The following ANO4 variants were observed in gnomAD, a reference collection of about 807,000 sequenced individuals.
The protein encoded by ANO4 is anoctamin 4.
Under a neutral mutation model 141.9 loss-of-function variants are expected in ANO4, and 69 were observed. The observed-to-expected ratio is 0.49, with a 90% CI of 0.40 to 0.59. The LOEUF is 0.59. ANO4 is among the 20% of genes least tolerant of loss of function. The probability of loss-of-function intolerance (pLI) is 0.00; values close to 1 mark genes in which losing one functional copy is unlikely to be tolerated. For synonymous variants in ANO4, 350 were observed against 394.3 expected, an observed-to-expected ratio of 0.89 and a Z score of 1.33; for missense variants, 894 against 1,162.2, an observed-to-expected ratio of 0.77 and a Z score of 3.36.
At chr12:100,881,118 A>G (rs555233665) in intron 1 of ANO4, among the ~76,000 whole-genome samples, 68 of 146,786 alleles carry the variant, frequency 4.6e-4, no homozygotes, top group Non-Finnish European at 6.1e-4. Flanking sequence ...GGAACATCAC[A>G]CACCAGGGAC....
chr12:100,829,585 T>G (rs982539297), intron 1 of ANO4, among the ~76,000 whole-genome samples: 8 of 152,058 alleles, frequency 5.3e-5, no homozygotes, highest in Non-Finnish European at 1.0e-4. Flanking sequence ...ATTTTTAAAG[T>G]GTAAGTTAAA....
chr12:100,786,004 T>A (rs1194514893), intron 3 of ANO4, among the ~76,000 whole-genome samples: 1 of 152,228 alleles, frequency 6.6e-6, no homozygotes, highest in Non-Finnish European at 1.5e-5. Context: ...TTTAAAATGC[T>A]CATTCTGCTT....
intron 14 of ANO4, among the ~76,000 whole-genome samples, chr12:101,073,916 A>T (rs1023241149): frequency 1.3e-5 from 2 of 152,056 alleles, no homozygotes; most frequent in Non-Finnish European, 2.9e-5. Context: ...TTATTTGTGG[A>T]TAGGTAGGTA....
chr12:100,797,130 GTATA>G (rs57640251), intron 1 of ANO4, among the ~76,000 whole-genome samples: 81 of 149,212 alleles, frequency 5.4e-4, no homozygotes, highest in Non-Finnish European at 9.8e-4. Flanking sequence ...ATATGTGTGT[GTATA>G]TATATATATA....
intron 4 of ANO4, among the ~76,000 whole-genome samples, chr12:100,940,184 G>A (rs573978740): frequency 6.7e-6 from 1 of 149,058 alleles, no homozygotes; most frequent in East Asian, 2.0e-4. Flanking sequence ...AGCTATCCAA[G>A]TTTCTTTTTC....
intron 8 of ANO4, among the ~76,000 whole-genome samples, chr12:101,001,821 T>C (rs1300519355): frequency 6.6e-6 from 1 of 152,194 alleles, no homozygotes; most frequent in Non-Finnish European, 1.5e-5. Context: ...TTGTTAAACC[T>C]GTAAACTGTG....
At chr12:100,855,931 A>C (rs1327824079) in intron 1 of ANO4, among the ~76,000 whole-genome samples, 6 of 152,204 alleles carry the variant, frequency 3.9e-5, no homozygotes, top group Non-Finnish European at 8.8e-5. Context: ...AAATGGAGCA[A>C]GTGGTACAGT....
intron 1 of ANO4, among the ~76,000 whole-genome samples, chr12:100,880,843 A>G (rs972145362): frequency 1.3e-5 from 2 of 152,138 alleles, no homozygotes; most frequent in African/African-American, 2.4e-5. Flanking sequence ...ATCTTTGAAG[A>G]TATCTATGCA....
chr12:101,026,042 T>C (rs2046721955), intron 9 of ANO4, among the ~76,000 whole-genome samples: 1 of 152,200 alleles, frequency 6.6e-6, no homozygotes, highest in Non-Finnish European at 1.5e-5. Context: ...CACTTGCCAC[T>C]TGTATTCATT....
chr12:101,029,296 G>A (rs2046871028), intron 9 of ANO4, among the ~76,000 whole-genome samples: 1 of 152,028 alleles, frequency 6.6e-6, no homozygotes, highest in Non-Finnish European at 1.5e-5. Flanking sequence ...TAACCAGATA[G>A]CATCATGATG....
intron 10 of ANO4, among the ~76,000 whole-genome samples, chr12:101,039,316 G>A (rs768073478): frequency 6.6e-6 from 1 of 152,104 alleles, no homozygotes; most frequent in Non-Finnish European, 1.5e-5. Flanking sequence ...ACTAGCCTGG[G>A]CAATATGGCA....
chr12:100,999,012 C>G (rs186419141), intron 8 of ANO4, among the ~76,000 whole-genome samples: 62 of 152,324 alleles, frequency 4.1e-4, no homozygotes, highest in African/African-American at 1.4e-3. Context: ...TATCCAATGT[C>G]AAACAGTTGG....
intron 3 of ANO4, among the ~76,000 whole-genome samples, chr12:100,750,218 T>C (rs1296555547): frequency 6.6e-6 from 1 of 152,096 alleles, no homozygotes; most frequent in Non-Finnish European, 1.5e-5. Flanking sequence ...CACTGCAACT[T>C]CTGCCTCCTG....
At chr12:100,876,119 G>A (rs552648837) in intron 1 of ANO4, among the ~76,000 whole-genome samples, 10 of 152,138 alleles carry the variant, frequency 6.6e-5, no homozygotes, top group South Asian at 6.2e-4. Flanking sequence ...TAAGTGCTCC[G>A]TATTTTTATT....
chr12:100,938,848 A>G (rs555272468), intron 3 of ANO4, among the ~76,000 whole-genome samples: 1 of 152,310 alleles, frequency 6.6e-6, no homozygotes, highest in East Asian at 1.9e-4. Context: ...AAAGGAGGAA[A>G]AAAATCACAG....
intron 1 of ANO4, among the ~76,000 whole-genome samples, chr12:100,873,179 T>G (rs2039118703): frequency 6.6e-6 from 1 of 152,216 alleles, no homozygotes; most frequent in Non-Finnish European, 1.5e-5. Flanking sequence ...CAGTTAGTTC[T>G]TTATAGCAAT....
chr12:100,855,130 G>A (rs1356859835), intron 1 of ANO4, among the ~76,000 whole-genome samples: 1 of 152,046 alleles, frequency 6.6e-6, no homozygotes, highest in African/African-American at 2.4e-5. Context: ...TATAGCTGGG[G>A]CATTCCATTT....
intron 8 of ANO4, among the ~76,000 whole-genome samples, chr12:101,006,488 C>T (rs1474151723): frequency 2.0e-5 from 3 of 152,210 alleles, no homozygotes; most frequent in Non-Finnish European, 4.4e-5. Context: ...CCTCAAAACA[C>T]TTGCACATGT....
chr12:101,026,232 A>C (rs779555220), intron 9 of ANO4, among the ~76,000 whole-genome samples: 1 of 152,226 alleles, frequency 6.6e-6, no homozygotes, highest in Non-Finnish European at 1.5e-5. Flanking sequence ...AATCTGCAAC[A>C]AACAGTGAGA....
Sources: allele counts gnomAD v4.1 joint callset (sites outside exome capture counted in the v4.1 genomes callset), GRCh38; gene constraint gnomAD v4.1.1; transcripts MANE v1.5; gene names NCBI Gene and HGNC (gene_info 2026-07-23, HGNC 2026-07-21).